The following SOX5 variants were observed in gnomAD, a reference collection of about 807,000 sequenced individuals.
The protein encoded by SOX5 is SRY-box transcription factor 5, also known as transcription factor SOX-5.
Under a neutral mutation model 92.0 loss-of-function variants are expected in SOX5, and 9 were observed. That is an observed-to-expected ratio of 0.10 (90% CI 0.06 to 0.17). The LOEUF (loss-of-function observed/expected upper bound fraction) is 0.17. SOX5 is among the 10% of genes least tolerant of loss of function. The probability of loss-of-function intolerance (pLI) is 1.00; values close to 1 mark genes in which losing one functional copy is unlikely to be tolerated. For missense variants in SOX5, 642 were observed against 944.5 expected, an observed-to-expected ratio of 0.68 and a Z score of 4.20; for synonymous variants, 344 against 336.3, an observed-to-expected ratio of 1.02 and a Z score of -0.25.
intron 3 of SOX5, among the ~76,000 whole-genome samples, chr12:24,224,914 A>G (rs766276251): frequency 3.9e-5 from 6 of 152,206 alleles, no homozygotes; most frequent in Non-Finnish European, 8.8e-5. Flanking sequence ...TTCTCTTTAG[A>G]AACACACAGG....
chr12:24,485,917 G>T (rs926012494), intron 1 of SOX5, among the ~76,000 whole-genome samples: 1 of 152,030 alleles, frequency 6.6e-6, no homozygotes, highest in Non-Finnish European at 1.5e-5. Context: ...ATATATAAAA[G>T]ATAAACTGCC....
chr12:23,634,120 C>T lies in SOX5; in HGVS notation c.1017+6692G>A, dbSNP rs375601045. On this transcript the variant is annotated intron_variant, in intron 8 of 14. Coordinates refer to ENST00000451604, the MANE Select transcript of SOX5 (RefSeq NM_006940.6). ...TTTTTTTAATTAAAAATTCTTATGA[C>T]CATTAGCCATGATAGTCTCTTTCAT... 1.9e-4 allele frequency among the ~76,000 whole-genome samples: 29 copies of T among 152,012 alleles called. No individual in the cohort carries two copies. In the East Asian group the frequency reaches 1.9e-3, roughly 10 times the overall value.
At chr12:24,078,323 C>T (rs995551601) in intron 4 of SOX5, among the ~76,000 whole-genome samples, 46 of 151,766 alleles carry the variant, frequency 3.0e-4, no homozygotes, top group African/African-American at 1.1e-3. Context: ...GAGGAGGTAC[C>T]TGAAAAAGGA....
At chr12:24,247,096 G>A (rs911499931) in intron 3 of SOX5, among the ~76,000 whole-genome samples, 9 of 152,172 alleles carry the variant, frequency 5.9e-5, no homozygotes, top group African/African-American at 1.9e-4. Flanking sequence ...TGTCACAGAA[G>A]GGGCATTCAT....
intron 1 of SOX5, among the ~76,000 whole-genome samples, chr12:24,561,136 A>G (rs921958675): frequency 1.3e-5 from 2 of 152,202 alleles, no homozygotes; most frequent in South Asian, 4.1e-4. Context: ...GAGGATCTCA[A>G]GTGGGTTCCA....
intron 4 of SOX5, among the ~76,000 whole-genome samples, chr12:24,126,224 A>G (rs553950686): frequency 2.0e-5 from 3 of 152,246 alleles, no homozygotes; most frequent in South Asian, 2.1e-4. Flanking sequence ...TTCCATGCCA[A>G]TGCCTTCCAA....
chr12:24,208,945 T>C (rs550950504), intron 4 of SOX5, among the ~76,000 whole-genome samples: 1 of 152,098 alleles, frequency 6.6e-6, no homozygotes, highest in Non-Finnish European at 1.5e-5. Context: ...CTTAGCAAGA[T>C]TTGGCATGAC....
At chr12:24,479,817 C>T (rs980978993) in intron 1 of SOX5, among the ~76,000 whole-genome samples, 1 of 152,038 alleles carries the variant, frequency 6.6e-6, no homozygotes, top group Non-Finnish European at 1.5e-5. Context: ...AGGCGCCCAC[C>T]ACCATGCCTG....
At chr12:23,537,829 T>G (rs1188688581) in intron 13 of SOX5, among the ~76,000 whole-genome samples, 2 of 152,166 alleles carry the variant, frequency 1.3e-5, no homozygotes, top group Non-Finnish European at 2.9e-5. Flanking sequence ...AGAATGAAGC[T>G]GCGGACCCTC....
intron 2 of SOX5, among the ~76,000 whole-genome samples, chr12:24,314,486 G>C (rs1949513599): frequency 6.6e-6 from 1 of 151,630 alleles, no homozygotes; most frequent in South Asian, 2.1e-4. Context: ...TGCACGTTAT[G>C]CACATGTACC....
intron 3 of SOX5, among the ~76,000 whole-genome samples, chr12:23,794,745 T>C (rs1198919370): frequency 6.6e-6 from 1 of 152,164 alleles, no homozygotes; most frequent in African/African-American, 2.4e-5. Flanking sequence ...CATATGTTCA[T>C]ATATTCTGCT....
chr12:23,677,443 C>T (rs1312359029), intron 6 of SOX5, among the ~76,000 whole-genome samples: 1 of 152,134 alleles, frequency 6.6e-6, no homozygotes, highest in South Asian at 2.1e-4. Context: ...CCATTAAACA[C>T]ATTTCAACTT....
At chr12:24,293,628 TAG>T (rs1293815920) in intron 2 of SOX5, among the ~76,000 whole-genome samples, 1 of 152,166 alleles carries the variant, frequency 6.6e-6, no homozygotes, top group Non-Finnish European at 1.5e-5. Flanking sequence ...TTATATAATT[TAG>T]AGACAGACAT....
intron 1 of SOX5, among the ~76,000 whole-genome samples, chr12:24,498,538 T>C (rs944347716): frequency 1.3e-5 from 2 of 152,166 alleles, no homozygotes; most frequent in African/African-American, 4.8e-5. Context: ...TCTAAATACT[T>C]ATAACAATAC....
At chr12:23,742,046 C>T (rs1292829198) in intron 4 of SOX5, among the ~76,000 whole-genome samples, 1 of 152,084 alleles carries the variant, frequency 6.6e-6, no homozygotes, top group African/African-American at 2.4e-5. Flanking sequence ...TCTTTAATTA[C>T]AATTTTCACT....
intron 1 of SOX5, among the ~76,000 whole-genome samples, chr12:24,462,321 T>C (rs1462230180): frequency 6.6e-6 from 1 of 152,198 alleles, no homozygotes; most frequent in Admixed American, 6.5e-5. Flanking sequence ...TATTATAATC[T>C]TATGGGACCA....
intron 1 of SOX5, among the ~76,000 whole-genome samples, chr12:23,933,428 G>T (rs1299093800): frequency 6.6e-6 from 1 of 151,522 alleles, no homozygotes; most frequent in Non-Finnish European, 1.5e-5. Context: ...CATTGTAAGT[G>T]CTCAATAAAT....
intron 10 of SOX5, among the ~76,000 whole-genome samples, chr12:23,567,125 G>C (rs910798211): frequency 6.6e-6 from 1 of 152,336 alleles, no homozygotes; most frequent in Middle Eastern, 3.4e-3. Context: ...AAATCTGTGA[G>C]GGGATGTCAT....
chr12:24,269,422 T>A (rs1943412612), intron 3 of SOX5, among the ~76,000 whole-genome samples: 1 of 152,322 alleles, frequency 6.6e-6, no homozygotes, highest in Middle Eastern at 3.4e-3. Flanking sequence ...TTATCCTCAA[T>A]TTAACTTCAT....
Sources: gnomAD v4.1 joint callset for allele counts (sites outside exome capture counted in the v4.1 genomes callset) on GRCh38, gnomAD v4.1.1 for gene constraint, MANE v1.5 for transcripts, NCBI Gene and HGNC (gene_info 2026-07-23, HGNC 2026-07-21) for gene names.